Variants in PEA15 observed in about 807,000 individuals in gnomAD.
The protein encoded by PEA15 is astrocytic phosphoprotein PEA-15.
For synonymous variants in PEA15, 60 were observed against 61.8 expected, an observed-to-expected ratio of 0.97 and a Z score of 0.13; for missense variants, 77 against 161.3, an observed-to-expected ratio of 0.48 and a Z score of 2.83.
At chr1:160,211,928 T>A (rs1189816835) in intron 2 of PEA15, among the ~76,000 whole-genome samples, 1 of 152,112 alleles carries the variant, frequency 6.6e-6, no homozygotes, top group African/African-American at 2.4e-5. Context: ...TGTGCTATTA[T>A]CACATATACA....
Position 160,208,775 on chromosome 1 carries a change from C to G in PEA15, c.-2-2768C>G. On this transcript the variant is annotated intron_variant, in intron 1 of 3. Transcript: ENST00000360472. The surrounding 1 kb of genome is among the most constrained non-coding windows in gnomAD (Gnocchi z 4.1). ...AAATGGATCTCTCCAAGAAGGGAGGCAACTGGGCTGCCTTTCCTTGTACCG... is the reference window on the plus strand; with the variant it reads ...AAATGGATCTCTCCAAGAAGGGAGGGAACTGGGCTGCCTTTCCTTGTACCG... 1 of 930,178 alleles carries G rather than the reference C, an allele frequency of 1.1e-6. No individual in the cohort carries two copies. The highest frequency in any genetic ancestry group is 1.7e-6 in the Non-Finnish European group (1 of 595,854). The allele number at this position is 930,178 out of a possible 1,614,324, so 57.6% of individuals were successfully genotyped here.
At position 160,213,972 on chromosome 1, in the gene PEA15, G is replaced by C; in HGVS notation, c.*486G>C. Reference sequence around the variant, plus strand: ...CCCCACCTGGAAGGGGCAAAGAAAAGCCAGAGTTCCATGTTTGTACTCCTG... The same window carrying C: ...CCCCACCTGGAAGGGGCAAAGAAAACCCAGAGTTCCATGTTTGTACTCCTG... On this transcript the variant is annotated 3_prime_UTR_variant, in exon 4 of 4. Coordinates refer to ENST00000360472, the MANE Select transcript of PEA15 (RefSeq NM_003768.5). This position sits in a 1 kb window ranked among gnomAD's most constrained non-coding sequence, Gnocchi z 5.3. The C allele has an allele frequency of 5.6e-6, 1 of 178,348 alleles. No homozygotes were observed. Among genetic ancestry groups the C allele is most frequent in the Non-Finnish European group, 1.2e-5 (1 of 82,410 alleles). 11.0% of individuals were successfully genotyped at this position (178,348 alleles called of 1,614,324 possible).
At chr1:160,206,392 G>A (rs1249927910) in intron 1 of PEA15, 1 of 152,238 alleles carries the variant, frequency 6.6e-6, no homozygotes, top group African/African-American at 2.4e-5. Context: ...GGGAAAGATG[G>A]GAGAAAATCT....
Position 160,214,654 on chromosome 1 carries a change from T to C in PEA15, c.*1168T>C, listed in dbSNP as rs1485132427. ...CTGCACTGCCATGTCTGCCCTTTTT[T>C]GTGGTGTCTAGCATTAACTTATTGT... On this transcript the variant is annotated 3_prime_UTR_variant, in exon 4 of 4. Transcript: ENST00000360472. The C allele has an allele frequency of 1.3e-5, 2 of 152,650 alleles. No homozygotes were observed. Among genetic ancestry groups the C allele is most frequent in the Non-Finnish European group, 2.9e-5 (2 of 68,068 alleles). 9.5% of individuals were successfully genotyped at this position (152,650 alleles called of 1,614,324 possible).
At chr1:160,209,510 GACACACACACACAC>G (rs111598251) in intron 1 of PEA15, among the ~76,000 whole-genome samples, 1 of 146,614 alleles carries the variant, frequency 6.8e-6, no homozygotes, top group African/African-American at 2.5e-5. Context: ...AACTCCTCCC[GACACACACACACAC>G]ACACACACAC....
chr1:160,213,569 A>G lies in PEA15; in HGVS notation c.*83A>G. 1.6e-6 allele frequency: 2 copies of G among 1,224,318 alleles called. No homozygotes were observed. The highest frequency in any genetic ancestry group is 2.4e-6 in the Non-Finnish European group (2 of 830,894). 75.8% of individuals were successfully genotyped at this position (1,224,318 alleles called of 1,614,324 possible). A position where few individuals can be genotyped will look rare whatever the true frequency, so the allele number is the denominator to read the frequency against. On this transcript the variant is annotated 3_prime_UTR_variant, in exon 4 of 4. Coordinates refer to ENST00000360472, the MANE Select transcript of PEA15 (RefSeq NM_003768.5). The surrounding 1 kb of genome is among the most constrained non-coding windows in gnomAD (Gnocchi z 5.3). ...TCCTCCAGGAGAGGGGGCAAGGGCA[A>G]CCCACCATCTACCCACTTACTAACC...
rs1254222092 is a variant in PEA15, at chr1:160,208,886, C to A, written c.-2-2657C>A. ...CCATCTAGTGGTGTCATCCTAACGA[C>A]TGGGGGTGGGGGGCACCCAGAACTG... is the stretch of plus-strand genomic sequence containing the variant. On this transcript the variant is annotated intron_variant, in intron 1 of 3. Transcript: ENST00000360472. The surrounding 1 kb of genome is among the most constrained non-coding windows in gnomAD (Gnocchi z 4.1). 1.8e-6 allele frequency: 1 copy of A among 550,618 alleles called. No homozygotes were observed. The highest frequency in any genetic ancestry group is 1.9e-5 in the African/African-American group (1 of 52,812). 34.1% of individuals were successfully genotyped at this position (550,618 alleles called of 1,614,324 possible).
Position 160,208,864 on chromosome 1 carries a change from T to G in PEA15, c.-2-2679T>G. The G allele has an allele frequency of 3.5e-6, 2 of 566,858 alleles. No homozygotes were observed. The highest frequency in any genetic ancestry group is 6.3e-6 in the Non-Finnish European group (2 of 318,012). The allele number at this position is 566,858 out of a possible 1,614,324, so 35.1% of individuals were successfully genotyped here. ...CTCACCATTCCCTACACTCCTCCCATCTAGTGGTGTCATCCTAACGACTGG... is the reference window on the plus strand; with the variant it reads ...CTCACCATTCCCTACACTCCTCCCAGCTAGTGGTGTCATCCTAACGACTGG... On this transcript the variant is annotated intron_variant, in intron 1 of 3. Transcript: ENST00000360472. The surrounding 1 kb of genome is among the most constrained non-coding windows in gnomAD (Gnocchi z 4.1).
rs549116407 is a variant in PEA15, at chr1:160,213,619, C to T, written c.*133C>T. 6 of 463,710 alleles carry T rather than the reference C, an allele frequency of 1.3e-5. No individual in the cohort carries two copies. Among genetic ancestry groups the T allele is most frequent in the East Asian group, 6.2e-5 (1 of 16,204 alleles). The allele number at this position is 463,710 out of a possible 1,614,324, so 28.7% of individuals were successfully genotyped here. ...CTGGTCCTAACCCCCTTACTGTGCG[C>T]GTGTGTGTGCGTGTGCGCACGCTCT... On this transcript the variant is annotated 3_prime_UTR_variant, in exon 4 of 4. Coordinates refer to ENST00000360472, the MANE Select transcript of PEA15 (RefSeq NM_003768.5). This position sits in a 1 kb window ranked among gnomAD's most constrained non-coding sequence, Gnocchi z 5.3.
At chr1:160,206,797 G>T (rs572601487) in intron 1 of PEA15, among the ~76,000 whole-genome samples, 39 of 152,258 alleles carry the variant, frequency 2.6e-4, no homozygotes, top group Middle Eastern at 3.4e-3. Flanking sequence ...GAGACCACTG[G>T]GAGTTAGGGA....
chr1:160,213,286 C>G lies in PEA15; in HGVS notation c.328+21C>G. ...CAAAGGTAAGCGGCCACTCCTTTAA[C>G]TAGCTGCACCTCTGCCTCGTCCCGT... On this transcript the variant is annotated intron_variant, in intron 3 of 3. Transcript: ENST00000360472. The surrounding 1 kb of genome is among the most constrained non-coding windows in gnomAD (Gnocchi z 5.3). The G allele has an allele frequency of 6.2e-7, 1 of 1,614,186 alleles. No homozygotes were observed.
intron 1 of PEA15, chr1:160,207,028 A>C (rs1318970978): frequency 6.6e-6 from 1 of 152,448 alleles, no homozygotes; most frequent in Non-Finnish European, 1.5e-5. Flanking sequence ...TCTCACACAG[A>C]TCCTCACGCA....
At chr1:160,212,043 C>T (rs981298976) in intron 2 of PEA15, among the ~76,000 whole-genome samples, 5 of 152,102 alleles carry the variant, frequency 3.3e-5, no homozygotes, top group East Asian at 3.8e-4. Context: ...GGGGAGAACT[C>T]GAAGTGTAAT....
Position 160,208,476 on chromosome 1 carries a change from C to T in PEA15, c.-3+2954C>T. 2 of 836,982 alleles carry T rather than the reference C, an allele frequency of 2.4e-6. No homozygotes were observed. The highest frequency in any genetic ancestry group is 2.7e-5 in the East Asian group (1 of 37,456). The allele number at this position is 836,982 out of a possible 1,614,324, so 51.8% of individuals were successfully genotyped here. ...ATCCTGTCCCAAGAATGGCCTCCGC[C>T]CAGACTGCCTGGTGATCCCTGAGCA... is the stretch of plus-strand genomic sequence containing the variant. On this transcript the variant is annotated intron_variant, in intron 1 of 3. Transcript: ENST00000360472. This position sits in a 1 kb window ranked among gnomAD's most constrained non-coding sequence, Gnocchi z 4.1.
chr1:160,214,447 A>T lies in PEA15; in HGVS notation c.*961A>T, dbSNP rs549427536. 2 of 147,886 alleles carry T rather than the reference A, an allele frequency of 1.4e-5. No homozygotes were observed. Among genetic ancestry groups the T allele is most frequent in the East Asian group, 4.1e-4 (2 of 4,896 alleles). 9.2% of individuals were successfully genotyped at this position (147,886 alleles called of 1,614,324 possible). On this transcript the variant is annotated 3_prime_UTR_variant, in exon 4 of 4. Coordinates refer to ENST00000360472, the MANE Select transcript of PEA15 (RefSeq NM_003768.5). ...CCACCCCAATTCAATCCCGGAAGGG[A>T]CTTACTTAGGAAACCCTTCTTTACT...
rs946722754 is a variant in PEA15, at chr1:160,208,062, G to A, written c.-3+2540G>A. Among the ~76,000 whole-genome samples, 11 of 152,338 alleles carry A rather than the reference G, an allele frequency of 7.2e-5. No homozygotes were observed. Among genetic ancestry groups the A allele is most frequent in the Middle Eastern group, 3.4e-3 (1 of 294 alleles). On this transcript the variant is annotated intron_variant, in intron 1 of 3. Transcript: ENST00000360472. This position sits in a 1 kb window ranked among gnomAD's most constrained non-coding sequence, Gnocchi z 4.1. ...ATTTACAGAGGATTTGGAACCAAAC[G>A]TTAGAAGGGATAATCTACCACGACT...
Position 160,213,875 on chromosome 1 carries a change from G to A in PEA15, c.*389G>A, listed in dbSNP as rs192770877. On this transcript the variant is annotated 3_prime_UTR_variant, in exon 4 of 4. Transcript: ENST00000360472. This position sits in a 1 kb window ranked among gnomAD's most constrained non-coding sequence, Gnocchi z 5.3. ...TTCCTACATTGAGGAGCTGACATAG[G>A]GGTAAGGTATGGGAGAGGTAGGTGG... 12 of 241,690 alleles carry A rather than the reference G, an allele frequency of 5.0e-5. No homozygotes were observed. Among genetic ancestry groups the A allele is most frequent in the Admixed American group, 4.6e-4 (9 of 19,522 alleles). The allele number at this position is 241,690 out of a possible 1,614,324, so 15.0% of individuals were successfully genotyped here. A position where few individuals can be genotyped will look rare whatever the true frequency, so the allele number is the denominator to read the frequency against.
chr1:160,208,540 G>C lies in PEA15; in HGVS notation c.-2-3003G>C. The stretch of plus-strand genomic sequence containing the variant: ...CTCCAGAAATCAGGAGGATTTTTCA[G>C]AGCCCAGAGAGCAGATTTCTCCACG... On this transcript the variant is annotated intron_variant, in intron 1 of 3. Transcript: ENST00000360472. The surrounding 1 kb of genome is among the most constrained non-coding windows in gnomAD (Gnocchi z 4.1). 1 of 1,412,962 alleles carries C rather than the reference G, an allele frequency of 7.1e-7. No individual in the cohort carries two copies. Among genetic ancestry groups the C allele is most frequent in the Non-Finnish European group, 9.8e-7 (1 of 1,022,128 alleles). The allele number at this position is 1,412,962 out of a possible 1,614,324, so 87.5% of individuals were successfully genotyped here.
chr1:160,208,755 G>A lies in PEA15; in HGVS notation c.-2-2788G>A. On this transcript the variant is annotated intron_variant, in intron 1 of 3. Transcript: ENST00000360472. The surrounding 1 kb of genome is among the most constrained non-coding windows in gnomAD (Gnocchi z 4.1). ...TGCCATACTAAGGCCTAGGCAAATG[G>A]ATCTCTCCAAGAAGGGAGGCAACTG... 8.6e-7 allele frequency: 1 copy of A among 1,162,092 alleles called. No individual in the cohort carries two copies. 72.0% of individuals were successfully genotyped at this position (1,162,092 alleles called of 1,614,324 possible). A position where few individuals can be genotyped will look rare whatever the true frequency, so the allele number is the denominator to read the frequency against.
Sources: gnomAD v4.1 joint callset for allele counts (sites outside exome capture counted in the v4.1 genomes callset) on GRCh38, gnomAD v4.1.1 for gene constraint, Gnocchi (gnomAD v3.1) non-coding constraint, MANE v1.5 for transcripts, NCBI Gene and HGNC (gene_info 2026-07-23, HGNC 2026-07-21) for gene names.